OR6C6: variants seen among roughly 807,000 people sequenced by gnomAD.
OR6C6 encodes olfactory receptor 6C6.
For synonymous variants in OR6C6, 140 were observed against 135.2 expected (o/e 1.04, Z -0.25); for missense variants, 411 against 366.8 (o/e 1.12, Z -0.98).
chr12:55,296,115 C>G (rs1407995928), intron 1 of OR6C6, among the ~76,000 whole-genome samples: 7 of 146,806 alleles, frequency 4.8e-5, no homozygotes, highest in Non-Finnish European at 1.0e-4. Context: ...ATGCGTCAGT[C>G]TACTTCATTA....
At position 55,295,950 on chromosome 12, in the gene OR6C6, T is replaced by G. The variant is rs141351667; in HGVS notation, c.-26+369A>C. Among the ~76,000 whole-genome samples the G allele has an allele frequency of 2.3e-3, 354 of 152,124 alleles. 2 individuals carry two copies. The highest frequency in any genetic ancestry group is 4.3e-3 in the Non-Finnish European group (295 of 67,940). On this transcript the variant is annotated intron_variant, in intron 1 of 1. Transcript: ENST00000358433. ...TCAATTAACCTTTTTGAAATGTCAT[T>G]TTATTAGTGTGGCTACATAATTTCG...
Position 55,295,109 on chromosome 12 carries a change from T to A in OR6C6, c.124A>T (p.Ile42Phe), listed in dbSNP as rs766540478. The change falls in exon 2 of 2, where the codon ATC becomes TTC. Residue 42 changes from isoleucine (I) to phenylalanine (F), a missense_variant. Coordinates refer to ENST00000358433, the MANE Select transcript of OR6C6 (RefSeq NM_001005493.2). Reference protein sequence around the residue: ...NYTLSLMGNLIIIILTLLDPR... With the variant: ...NYTLSLMGNLFIIILTLLDPR... ...TCCAGCAGGGTGAGGATGATGATGA[T>A]TAAGTTCCCCATCAGGCTCAAGGTG... The A allele has an allele frequency of 6.2e-6, 10 of 1,613,460 alleles. No individual in the cohort carries two copies. In the East Asian group the frequency reaches 2.2e-4, roughly 36 times the overall value.
chr12:55,294,170 T>TA lies in OR6C6; in HGVS notation c.*117_*118insT. ...CATGTTGGCCAGGCTGGTCTCGAAC[T>TA]CCTGACCTCAGGTAACCACCCTCCT... is the stretch of plus-strand genomic sequence containing the variant. On this transcript the variant is annotated 3_prime_UTR_variant, in exon 2 of 2. Coordinates refer to ENST00000358433, the MANE Select transcript of OR6C6 (RefSeq NM_001005493.2). The TA allele has an allele frequency of 1.6e-6, 1 of 628,982 alleles. No individual in the cohort carries two copies. The allele number at this position is 628,982 out of a possible 1,614,324, so 39.0% of individuals were successfully genotyped here. A position where few individuals can be genotyped will look rare whatever the true frequency, so the allele number is the denominator to read the frequency against.
rs749622553 is a variant in OR6C6 at position 55,294,607 on chromosome 12, A to C, written c.626T>G (p.Leu209Arg). Reference protein sequence around the residue: ...TLAVVTLVVTLVLVILSYTCI... With the variant: ...TLAVVTLVVTRVLVILSYTCI... ...AGTGTAAGAGAGAATCACTAATACC[A>C]GTGTGACCACAAGTGTCACCACAGC... The change falls in exon 2 of 2, where the codon CTG (leucine) becomes CGG (arginine). Residue 209 changes from leucine to arginine, a missense_variant. Coordinates refer to ENST00000358433, the MANE Select transcript of OR6C6 (RefSeq NM_001005493.2). The C allele has an allele frequency of 2.5e-6, 4 of 1,614,082 alleles. No homozygotes were observed. The highest frequency in any genetic ancestry group is 3.4e-6 in the Non-Finnish European group (4 of 1,179,936).
chr12:55,294,591 G>A lies in OR6C6; in HGVS notation c.642C>T (p.Leu214=), dbSNP rs1182168659. Reference sequence around the variant, plus strand: ...TGGTCTTAATAATGCAAGTGTAAGAGAGAATCACTAATACCAGTGTGACCA... The same window carrying A: ...TGGTCTTAATAATGCAAGTGTAAGAAAGAATCACTAATACCAGTGTGACCA... The part of the protein sequence containing the change: ...TLVVTLVLVI[L]SYTCIIKTIL... Residue 214 remains leucine, a synonymous_variant, in exon 2 of 2, where the codon CTC becomes CTT. Transcript: ENST00000358433. 1.2e-6 allele frequency: 2 copies of A among 1,614,118 alleles called. No individual in the cohort carries two copies. Among genetic ancestry groups the A allele is most frequent in the Non-Finnish European group, 1.7e-6 (2 of 1,180,006 alleles).
chr12:55,295,864 CAAAT>C (rs1868254100), intron 1 of OR6C6, among the ~76,000 whole-genome samples: 1 of 151,796 alleles, frequency 6.6e-6, no homozygotes, highest in Admixed American at 6.6e-5. Flanking sequence ...ATGGGACAAA[CAAAT>C]GAAAACATGA....
chr12:55,294,836 T>G lies in OR6C6; in HGVS notation c.397A>C (p.Ile133Leu). ...TGGTAGCAGACTTTGCTGCTCATAA[T>G]GATTGGATAATGCAGTGGTTTGCAG... The part of the protein sequence containing the change: ...AICKPLHYPI[I>L]MSSKVCYQLV... Residue 133 changes from isoleucine (I) to leucine (L), a missense_variant, in exon 2 of 2, where the codon ATT (isoleucine) becomes CTT (leucine). Physicochemically the swap from Ile to Leu is conservative, Grantham distance 5. Transcript: ENST00000358433. 1 of 1,614,122 alleles carries G rather than the reference T, an allele frequency of 6.2e-7. No individual in the cohort carries two copies. Among genetic ancestry groups the G allele is most frequent in the Non-Finnish European group, 8.5e-7 (1 of 1,180,020 alleles).
In OR6C6 at chr12:55,296,544, A is replaced by G. The variant is rs1296405775; in HGVS notation, c.-251T>C. On this transcript the variant is annotated 5_prime_UTR_variant, in exon 1 of 2. Transcript: ENST00000358433. Reference sequence around the variant, plus strand: ...TCACTATAAAGATTGATACTCAGATATTAATAATTTTAATGGACATCTATC... The same window carrying G: ...TCACTATAAAGATTGATACTCAGATGTTAATAATTTTAATGGACATCTATC... 2.0e-5 allele frequency: 3 copies of G among 151,994 alleles called. No individual in the cohort carries two copies. The highest frequency in any genetic ancestry group is 7.2e-5 in the African/African-American group (3 of 41,424). 9.4% of individuals were successfully genotyped at this position (151,994 alleles called of 1,614,324 possible).
Position 55,295,013 on chromosome 12 carries a change from C to G in OR6C6, c.220G>C (p.Val74Leu). ...FSFLEVIFTT[V>L]CIPRFLITIV... ...GTTATCAAGAATCTAGGAATACACA[C>G]TGTTGTGAATATTACTTCCAAAAAG... Residue 74 changes from valine (V) to leucine (L), a missense_variant, in exon 2 of 2, where the codon GTG (valine) becomes CTG (leucine). By Grantham distance (32) the Val-to-Leu change is conservative (BLOSUM62 1). Coordinates refer to ENST00000358433, the MANE Select transcript of OR6C6 (RefSeq NM_001005493.2). 1 of 1,613,618 alleles carries G rather than the reference C, an allele frequency of 6.2e-7. No homozygotes were observed. Among genetic ancestry groups the G allele is most frequent in the Non-Finnish European group, 8.5e-7 (1 of 1,179,696 alleles).
intron 1 of OR6C6, 131 bp from the exon 2 acceptor site, chr12:55,295,388 A>C (rs1868251007): frequency 6.1e-6 from 3 of 494,532 alleles, no homozygotes; most frequent in African/African-American, 3.9e-5. Context: ...TAGATGACAC[A>C]TAATTACATA....
At position 55,296,567 on chromosome 12, in the gene OR6C6, A is replaced by G. The variant is rs756560971; in HGVS notation, c.-274T>C. 2.0e-5 allele frequency: 3 copies of G among 152,044 alleles called. No homozygotes were observed. The highest frequency in any genetic ancestry group is 7.2e-5 in the African/African-American group (3 of 41,444). The allele number at this position is 152,044 out of a possible 1,614,324, so 9.4% of individuals were successfully genotyped here. A position where few individuals can be genotyped will look rare whatever the true frequency, so the allele number is the denominator to read the frequency against. ...ATATTAATAATTTTAATGGACATCT[A>G]TCTTTCATTCCAAGTAACTTAAACT... On this transcript the variant is annotated 5_prime_UTR_variant, in exon 1 of 2. Transcript: ENST00000358433.
intron 1 of OR6C6, among the ~76,000 whole-genome samples, chr12:55,295,912 T>G (rs1349206090): frequency 6.6e-6 from 1 of 151,970 alleles, no homozygotes; most frequent in East Asian, 1.9e-4. Context: ...TAATAAAAAA[T>G]TGTGTCTTCT....
intron 1 of OR6C6, among the ~76,000 whole-genome samples, chr12:55,295,497 A>T (rs76212023): frequency 0.034 from 5,213 of 152,046 alleles, 303 homozygotes; most frequent in African/African-American, 0.12. Context: ...ACTTTTGGTA[A>T]ATATGAATTT....
Position 55,295,208 on chromosome 12 carries a change from C to G in OR6C6, c.25G>C (p.Glu9Gln). MKNKSMEI[E>Q]FILLGLTDDP... ...TCTGTCAATCCTAGGAGAATGAACTCTATTTCCATTGATTTGTTCTTCATT... is the reference window on the plus strand; with the variant it reads ...TCTGTCAATCCTAGGAGAATGAACTGTATTTCCATTGATTTGTTCTTCATT... The change falls in exon 2 of 2, where the codon GAG becomes CAG. Residue 9 changes from glutamate (E) to glutamine (Q), a missense_variant. Glu to Gln is a conservative substitution (Grantham distance 29, BLOSUM62 2). Transcript: ENST00000358433. The G allele has an allele frequency of 1.9e-6, 3 of 1,604,346 alleles. No homozygotes were observed. Among genetic ancestry groups the G allele is most frequent in the Non-Finnish European group, 2.6e-6 (3 of 1,174,232 alleles).
Position 55,294,966 on chromosome 12 carries a change from G to A in OR6C6, c.267C>T (p.Thr89=). Residue 89 remains threonine (T), a synonymous_variant, in exon 2 of 2, where the codon ACC becomes ACT. Coordinates refer to ENST00000358433, the MANE Select transcript of OR6C6 (RefSeq NM_001005493.2). ...GAGTTGCACAATTATTATAAGAAAT[G>A]GTTTTGTCTCTAGTCACAATGGTTA... ...FLITIVTRDK[T]ISYNNCATQL... The A allele has an allele frequency of 3.1e-6, 5 of 1,613,606 alleles. No individual in the cohort carries two copies. Among genetic ancestry groups the A allele is most frequent in the Non-Finnish European group, 3.4e-6 (4 of 1,179,782 alleles).
At chr12:55,296,043 A>G (rs907134911) in intron 1 of OR6C6, among the ~76,000 whole-genome samples, 1 of 151,800 alleles carries the variant, frequency 6.6e-6, no homozygotes, top group African/African-American at 2.4e-5. Context: ...ATTACTTTCT[A>G]TCCTTTCTAC....
Position 55,294,772 on chromosome 12 carries a change from A to G in OR6C6, c.461T>C (p.Ile154Thr), listed in dbSNP as rs1378011626. 6.2e-7 allele frequency: 1 copy of G among 1,614,048 alleles called. No individual in the cohort carries two copies. Among genetic ancestry groups the G allele is most frequent in the East Asian group, 2.2e-5 (1 of 44,868 alleles). The change falls in exon 2 of 2, where the codon ATA (isoleucine) becomes ACA (threonine). Residue 154 changes from isoleucine (I) to threonine (T), a missense_variant. Ile to Thr is a moderately conservative substitution (Grantham distance 89). Transcript: ENST00000358433. ...LSSWVTGFLI[I>T]FPPLVMGLKL... The stretch of plus-strand genomic sequence containing the variant: ...GAGTCCCATGACCAATGGGGGAAAT[A>G]TGATTAAGAATCCAGTTACCCAAGA...
chr12:55,295,340 T>A (rs572892195), intron 1 of OR6C6, 83 bp from the exon 2 acceptor site: 1 of 592,196 alleles, frequency 1.7e-6, no homozygotes, highest in African/African-American at 1.9e-5. Flanking sequence ...TCTTTTTAAA[T>A]TTATCCATGT....
Position 55,294,862 on chromosome 12 carries a change from A to G in OR6C6, c.371T>C (p.Ile124Thr). The change falls in exon 2 of 2, where the codon ATC (isoleucine) becomes ACC (threonine). Residue 124 changes from isoleucine (I) to threonine (T), a missense_variant. Coordinates refer to ENST00000358433, the MANE Select transcript of OR6C6 (RefSeq NM_001005493.2). ...GATTGGATAATGCAGTGGTTTGCAG[A>G]TGGCAACGTAGCGGTCATAGGACAT... ...AAMSYDRYVA[I>T]CKPLHYPIIM... 6.2e-7 allele frequency: 1 copy of G among 1,614,144 alleles called. No individual in the cohort carries two copies. Among genetic ancestry groups the G allele is most frequent in the Non-Finnish European group, 8.5e-7 (1 of 1,180,006 alleles).
Sources: allele counts gnomAD v4.1 joint callset (sites outside exome capture counted in the v4.1 genomes callset), GRCh38; gene constraint gnomAD v4.1.1; transcripts MANE v1.5; gene names NCBI Gene and HGNC (gene_info 2026-07-23, HGNC 2026-07-21).